Variants in SLC22A9 observed in about 807,000 individuals in gnomAD.
SLC22A9 encodes the protein solute carrier family 22 member 9, also known as organic anion transporter 7.
A neutral mutation model predicts 50.1 loss-of-function variants in SLC22A9; 64 were observed. The observed-to-expected ratio is 1.28, with a 90% confidence interval of 1.04 to 1.57. The LOEUF (loss-of-function observed/expected upper bound fraction) is 1.57, where lower values mean the gene tolerates loss of function less well. Among genes scored for constraint, SLC22A9 ranks in the 40% most tolerant of loss-of-function variants. SLC22A9 has a pLI of 0.00. For synonymous variants in SLC22A9, 261 were observed against 242.5 expected (o/e 1.08, Z -0.71); for missense variants, 757 against 676.1 (o/e 1.12, Z -1.33).
chr11:63,407,962 C>T, intron 7 of SLC22A9, 150 bp from the exon 8 acceptor site: 2 of 569,466 alleles, frequency 3.5e-6, no homozygotes, highest in Non-Finnish European at 6.3e-6. Context: ...CAGCTATCAG[C>T]CACTGCACAT....
intron 9 of SLC22A9, among the ~76,000 whole-genome samples, chr11:63,409,081 C>T (rs1213231239): frequency 6.6e-6 from 1 of 152,202 alleles, no homozygotes; most frequent in Non-Finnish European, 1.5e-5. Flanking sequence ...CTCCAGATCA[C>T]ACAGACCAGC....
intron 5 of SLC22A9, among the ~76,000 whole-genome samples, chr11:63,377,183 A>T (rs1260713702): frequency 1.3e-5 from 2 of 152,072 alleles, no homozygotes; most frequent in African/African-American, 4.8e-5. Context: ...TAAACTCAAC[A>T]CTTGACCAAA....
chr11:63,394,037 TA>T (rs1211184323), intron 6 of SLC22A9, among the ~76,000 whole-genome samples: 2 of 152,218 alleles, frequency 1.3e-5, no homozygotes, highest in Non-Finnish European at 2.9e-5. Context: ...TTTATTTCAT[TA>T]AGTTGATCTT....
chr11:63,408,151 T>C lies in SLC22A9; in HGVS notation c.1328T>C (p.Leu443Ser). The C allele has an allele frequency of 6.2e-7, 1 of 1,613,764 alleles. No homozygotes were observed. The highest frequency in any genetic ancestry group is 8.5e-7 in the Non-Finnish European group (1 of 1,179,790). ...TLREVLATLG[L>S]GASALANTLA... Reference sequence around the variant, plus strand: ...CGTGAGGTTTTGGCAACACTGGGCTTAGGAGCGTCTGCTCTTGCCAATACC... The same window carrying C: ...CGTGAGGTTTTGGCAACACTGGGCTCAGGAGCGTCTGCTCTTGCCAATACC... Residue 443 changes from leucine (L) to serine (S), a missense_variant, in exon 8 of 10, where the codon TTA becomes TCA. Coordinates refer to ENST00000279178, the MANE Select transcript of SLC22A9 (RefSeq NM_080866.3).
At position 63,396,502 on chromosome 11, in the gene SLC22A9, T is replaced by C. The variant is rs142102968; in HGVS notation, c.1074-9995T>C. On this transcript the variant is annotated intron_variant, in intron 6 of 9. Coordinates refer to ENST00000279178, the MANE Select transcript of SLC22A9 (RefSeq NM_080866.3). ...TGCGTGTTCAGGGGTGGAGGATCTCTCTTTTCTACTTCTGCAGTTTGGGCA... is the reference window on the plus strand; with the variant it reads ...TGCGTGTTCAGGGGTGGAGGATCTCCCTTTTCTACTTCTGCAGTTTGGGCA... 4.3e-3 allele frequency among the ~76,000 whole-genome samples: 657 copies of C among 152,288 alleles called. 8 individuals are homozygous for C. The highest frequency in any genetic ancestry group is 0.015 in the African/African-American group (628 of 41,572).
intron 5 of SLC22A9, among the ~76,000 whole-genome samples, chr11:63,380,540 A>T (rs1354897362): frequency 2.0e-5 from 3 of 152,356 alleles, no homozygotes; most frequent in Admixed American, 1.3e-4. Context: ...AGCAACATGG[A>T]TAGAGATGGA....
rs2119869015 is a variant in SLC22A9 at position 63,373,896 on chromosome 11, G to A, written c.664G>A (p.Ala222Thr). ...GCCTTATCTGTTTTTTCTTCCAGTA[G>A]CCGAGTGGGCAACACACAGATTCCA... is the stretch of plus-strand genomic sequence containing the variant. ...SLITNTIMLI[A>T]EWATHRFQAM... Residue 222 changes from alanine (A) to threonine (T), a missense_variant and splice_region_variant, in exon 4 of 10, where the codon GCC becomes ACC. Coordinates refer to ENST00000279178, the MANE Select transcript of SLC22A9 (RefSeq NM_080866.3). The A allele has an allele frequency of 5.6e-6, 9 of 1,611,998 alleles. No homozygotes were observed. Among genetic ancestry groups the A allele is most frequent in the South Asian group, 1.1e-5 (1 of 90,686 alleles).
chr11:63,394,155 G>A (rs2014811517), intron 6 of SLC22A9, among the ~76,000 whole-genome samples: 1 of 152,034 alleles, frequency 6.6e-6, no homozygotes, highest in Non-Finnish European at 1.5e-5. Flanking sequence ...GGTCATTTAT[G>A]TTATTCTCTA....
chr11:63,373,826 T>TC, intron 3 of SLC22A9, 28 bp downstream of exon 3: 1 of 1,604,634 alleles, frequency 6.2e-7, no homozygotes, highest in Non-Finnish European at 8.5e-7. Context: ...ATCCACATTT[T>TC]CCAAACTGTG....
chr11:63,380,442 C>T (rs2014540039), intron 5 of SLC22A9, among the ~76,000 whole-genome samples: 1 of 152,128 alleles, frequency 6.6e-6, no homozygotes, highest in East Asian at 1.9e-4. Context: ...AACCTAAATG[C>T]CCATCAACAG....
intron 6 of SLC22A9, among the ~76,000 whole-genome samples, chr11:63,384,647 G>A (rs185512223): frequency 1.2e-3 from 182 of 152,176 alleles, no homozygotes; most frequent in African/African-American, 3.7e-3. Flanking sequence ...ATTCCTTTGC[G>A]TATATACTCA....
chr11:63,382,338 A>C, intron 6 of SLC22A9, 61 bp downstream of exon 6: 1 of 1,213,126 alleles, frequency 8.2e-7, no homozygotes, highest in Non-Finnish European at 1.2e-6. Context: ...TCTTGTCCTC[A>C]TTTCAAGTAG....
At position 63,408,710 on chromosome 11, in the gene SLC22A9, A is replaced by C; in HGVS notation, c.1432A>C (p.Asn478His). The C allele has an allele frequency of 2.5e-6, 4 of 1,613,932 alleles. No individual in the cohort carries two copies. Among genetic ancestry groups the C allele is most frequent in the Non-Finnish European group, 3.4e-6 (4 of 1,179,902 alleles). Residue 478 changes from asparagine (N) to histidine (H), a missense_variant, in exon 9 of 10, where the codon AAT becomes CAT. Physicochemically the swap from Asn to His is moderately conservative, Grantham distance 68. Coordinates refer to ENST00000279178, the MANE Select transcript of SLC22A9 (RefSeq NM_080866.3). ...RAMGINATFANIAGALAPLMM... is the reference protein window; with the variant it reads ...RAMGINATFAHIAGALAPLMM... ...TATGGGGATCAATGCAACCTTTGCT[A>C]ATATAGCAGGAGCCCTGGCTCCCCT...
chr11:63,392,335 C>T (rs558558687), intron 6 of SLC22A9, among the ~76,000 whole-genome samples: 1 of 151,930 alleles, frequency 6.6e-6, no homozygotes, highest in Non-Finnish European at 1.5e-5. Flanking sequence ...TGATATATTC[C>T]TGCTCATCAA....
At chr11:63,406,410 C>T (rs557564369) in intron 6 of SLC22A9, 87 bp from the exon 7 acceptor site, 3 of 1,214,078 alleles carry the variant, frequency 2.5e-6, no homozygotes, top group African/African-American at 1.5e-5. Flanking sequence ...TTAACAATCC[C>T]TAGCTGCCTG....
chr11:63,408,308 G>A, intron 8 of SLC22A9, 88 bp downstream of exon 8: 1 of 997,066 alleles, frequency 1.0e-6, no homozygotes. Flanking sequence ...TCTAAGACTG[G>A]TTCATTAAGA....
chr11:63,372,418 C>T (rs1178253362), intron 2 of SLC22A9, among the ~76,000 whole-genome samples: 1 of 152,104 alleles, frequency 6.6e-6, no homozygotes, highest in Non-Finnish European at 1.5e-5. Context: ...AAAGTACTGT[C>T]TGCAATAAGG....
intron 2 of SLC22A9, 139 bp downstream of exon 2, chr11:63,371,377 G>A (rs1439540030): frequency 4.7e-6 from 3 of 637,414 alleles, no homozygotes; most frequent in African/African-American, 1.9e-5. Flanking sequence ...GAAATTTTTA[G>A]TCCGTGTTTT....
intron 8 of SLC22A9, 108 bp downstream of exon 8, chr11:63,408,328 A>G (rs7109920): frequency 0.37 from 321,374 of 874,704 alleles, 69,024 homozygotes; most frequent in East Asian, 0.82. Flanking sequence ...AAAATAAATC[A>G]TAACAGTCAT....
Sources: gnomAD v4.1 joint callset for allele counts (sites outside exome capture counted in the v4.1 genomes callset) on GRCh38, gnomAD v4.1.1 for gene constraint, MANE v1.5 for transcripts, NCBI Gene and HGNC (gene_info 2026-07-23, HGNC 2026-07-21) for gene names.